The following ZNF398 variants were observed in gnomAD, a reference collection of about 807,000 sequenced individuals.
ZNF398 encodes the protein zinc finger protein 398.
ZNF398 carries 18 observed loss-of-function variants against 41.9 expected under a neutral mutation model. The ratio of observed to expected loss-of-function variants is 0.43; its 90% CI spans 0.30 to 0.64. The LOEUF is 0.64. Among genes scored for constraint, ZNF398 ranks in the 30% least tolerant of loss-of-function variants. The pLI, the probability that ZNF398 is intolerant of heterozygous loss-of-function variation, is 0.14. For synonymous variants in ZNF398, 260 were observed against 308.8 expected, an observed-to-expected ratio of 0.84 and a Z score of 1.66; for missense variants, 669 against 822.8, an observed-to-expected ratio of 0.81 and a Z score of 2.29.
intron 2 of ZNF398, among the ~76,000 whole-genome samples, chr7:149,141,600 G>A (rs576951098): frequency 8.2e-4 from 124 of 151,988 alleles, no homozygotes; most frequent in African/African-American, 2.5e-3. Context: ...GACTACAGGC[G>A]CCCGCCACCA....
intron 2 of ZNF398, among the ~76,000 whole-genome samples, chr7:149,137,375 G>T (rs1353198809): frequency 2.0e-5 from 3 of 152,070 alleles, no homozygotes; most frequent in Non-Finnish European, 4.4e-5. Flanking sequence ...TGTTGAGTAT[G>T]ACGTTAACTG....
At chr7:149,139,381 A>G (rs1826777522) in intron 2 of ZNF398, among the ~76,000 whole-genome samples, 1 of 152,130 alleles carries the variant, frequency 6.6e-6, no homozygotes, top group African/African-American at 2.4e-5. Flanking sequence ...GTGAATACCT[A>G]CTTTTAAATT....
chr7:149,175,616 C>G (rs779562283), intron 4 of ZNF398, among the ~76,000 whole-genome samples: 1 of 152,138 alleles, frequency 6.6e-6, no homozygotes, highest in Non-Finnish European at 1.5e-5. Context: ...AAGTGTGTTT[C>G]TAGGGAGTTG....
chr7:149,168,878 G>C (rs1444632558), intron 4 of ZNF398, among the ~76,000 whole-genome samples: 2 of 152,060 alleles, frequency 1.3e-5, no homozygotes, highest in African/African-American at 4.8e-5. Context: ...AGAATGTGTA[G>C]GTGATTGCAT....
At chr7:149,167,396 C>T (rs567126575) in intron 4 of ZNF398, among the ~76,000 whole-genome samples, 1 of 152,282 alleles carries the variant, frequency 6.6e-6, no homozygotes, top group East Asian at 1.9e-4. Context: ...CTATCATGAA[C>T]TCTTCCTAAC....
At chr7:149,135,389 C>CAAAAAAAAAAAAAAAAA (rs777888671) in intron 2 of ZNF398, among the ~76,000 whole-genome samples, 14 of 61,400 alleles carry the variant, frequency 2.3e-4, no homozygotes, top group Admixed American at 4.3e-4. Context: ...GACTCTGTCT[C>CAAAAAAAAAAAAAAAAA]AAAAAAAAAA....
intron 4 of ZNF398, among the ~76,000 whole-genome samples, chr7:149,176,211 C>T (rs1456916844): frequency 1.3e-5 from 2 of 151,906 alleles, no homozygotes; most frequent in Non-Finnish European, 2.9e-5. Flanking sequence ...GGCGTGGTGG[C>T]AGGCGCCTGT....
rs140567536 is a variant in ZNF398 at position 149,162,719 on chromosome 7, A to G, written c.421-3439A>G. ...CCCACAAGAGGCAACAAATGAGTAG[A>G]GGAACTTGTTTGAGAAAAAGTCCAT... On this transcript the variant is annotated intron_variant, in intron 2 of 5. Coordinates refer to ENST00000475153, the MANE Select transcript of ZNF398 (RefSeq NM_170686.3). Among the ~76,000 whole-genome samples, 152 of 152,334 alleles carry G rather than the reference A, an allele frequency of 1.0e-3. 1 individual carries two copies. In the East Asian group the frequency reaches 0.017, roughly 17 times the overall value.
chr7:149,169,765 T>G (rs1180640479), intron 4 of ZNF398, among the ~76,000 whole-genome samples: 1 of 152,060 alleles, frequency 6.6e-6, no homozygotes, highest in African/African-American at 2.4e-5. Flanking sequence ...GTACTTGTTT[T>G]CTTAAAAAAA....
intron 5 of ZNF398, among the ~76,000 whole-genome samples, chr7:149,177,702 A>T (rs1021606121): frequency 3.3e-5 from 5 of 152,344 alleles, no homozygotes; most frequent in African/African-American, 1.2e-4. Context: ...GAGAAATAGG[A>T]ATAGATAATT....
intron 2 of ZNF398, among the ~76,000 whole-genome samples, chr7:149,161,821 AAAG>A (rs1795109843): frequency 5.3e-5 from 8 of 149,780 alleles, no homozygotes; most frequent in Non-Finnish European, 4.4e-5. Context: ...AAAAAAAAAA[AAAG>A]GGGAATTGTT....
intron 2 of ZNF398, among the ~76,000 whole-genome samples, chr7:149,138,654 T>C (rs911362947): frequency 3.1e-5 from 4 of 130,000 alleles, no homozygotes; most frequent in African/African-American, 1.1e-4. Flanking sequence ...AAATATTGTG[T>C]GTGTGTATAC....
chr7:149,145,975 T>C (rs1826929724), upstream of ZNF398, among the ~76,000 whole-genome samples: 1 of 124,460 alleles, frequency 8.0e-6, no homozygotes, highest in African/African-American at 2.9e-5. Context: ...AGATGGAGTC[T>C]AGCTCTGTCG....
chr7:149,129,722 G>A (rs540082052), intron 2 of ZNF398, among the ~76,000 whole-genome samples: 2 of 151,944 alleles, frequency 1.3e-5, no homozygotes, highest in African/African-American at 2.4e-5. Context: ...TCCATGTTAT[G>A]ATATACTGAA....
intron 4 of ZNF398, among the ~76,000 whole-genome samples, chr7:149,170,245 A>G (rs1434714379): frequency 6.6e-6 from 1 of 152,242 alleles, no homozygotes; most frequent in Non-Finnish European, 1.5e-5. Flanking sequence ...TTGTGCAGAC[A>G]TCACAGCGTG....
chr7:149,173,336 A>G (rs980839848), intron 4 of ZNF398, among the ~76,000 whole-genome samples: 1 of 151,378 alleles, frequency 6.6e-6, no homozygotes, highest in African/African-American at 2.4e-5. Context: ...CGAACTCCCG[A>G]CCTCAGGTGA....
intron 1 of ZNF398, among the ~76,000 whole-genome samples, chr7:149,152,085 G>A (rs1373665560): frequency 1.3e-5 from 2 of 152,008 alleles, no homozygotes; most frequent in East Asian, 3.9e-4. Context: ...ATGGTGGCAC[G>A]CTCCTGTAGT....
chr7:149,169,074 A>G (rs368200959), intron 4 of ZNF398, among the ~76,000 whole-genome samples: 5 of 152,338 alleles, frequency 3.3e-5, no homozygotes, highest in African/African-American at 1.2e-4. Context: ...TGAATATATC[A>G]TTGTATTTTA....
At chr7:149,174,927 CT>C (rs1281496347) in intron 4 of ZNF398, among the ~76,000 whole-genome samples, 3 of 152,094 alleles carry the variant, frequency 2.0e-5, no homozygotes, top group Admixed American at 2.0e-4. Context: ...CTTTCCCCCC[CT>C]CTGCCTTTTT....
Sources: allele counts gnomAD v4.1 joint callset (sites outside exome capture counted in the v4.1 genomes callset), GRCh38; gene constraint gnomAD v4.1.1; transcripts MANE v1.5; gene names NCBI Gene and HGNC (gene_info 2026-07-23, HGNC 2026-07-21).